The following REEP1 variants were observed in gnomAD, a reference collection of about 807,000 sequenced individuals.
The protein encoded by REEP1 is receptor expression-enhancing protein 1.
A neutral mutation model predicts 40.3 loss-of-function variants in REEP1; 22 were observed. That is an observed-to-expected ratio of 0.55 (90% CI 0.39 to 0.78). The LOEUF is 0.78. REEP1 is among the 30% of genes least tolerant of loss of function. REEP1 has a pLI of 0.00. For missense variants in REEP1, 280 were observed against 361.1 expected (o/e 0.78, Z 1.82); for synonymous variants, 116 against 139.2 (o/e 0.83, Z 1.17).
In REEP1 at chr2:86,220,029, C is replaced by A. The variant is rs1674333540; in HGVS notation, c.724G>T (p.Asp242Tyr). ...PLAFSDDEEE[D>Y]LLDFMYKYKA... Reference sequence around the variant, plus strand: ...TACTTGTACATGAAATCCAGCAGGTCTTCCTCCTCGTCGTCAGAAAACGCC... The same window carrying A: ...TACTTGTACATGAAATCCAGCAGGTATTCCTCCTCGTCGTCAGAAAACGCC... Residue 242 changes from aspartate to tyrosine, a missense_variant, in exon 8 of 9, where the codon GAC becomes TAC. Physicochemically the swap from Asp to Tyr is radical, Grantham distance 160 (BLOSUM62 -3). This residue lies in a region of REEP1 where 201 missense variants were observed against 238.5 expected (regional missense o/e 0.84). Transcript: ENST00000538924. 8.1e-7 allele frequency: 1 copy of A among 1,232,110 alleles called. No individual in the cohort carries two copies. The highest frequency in any genetic ancestry group is 4.1e-5 in the South Asian group (1 of 24,322). 76.3% of individuals were successfully genotyped at this position (1,232,110 alleles called of 1,614,324 possible).
chr2:86,214,661 A>G lies in REEP1; in HGVS notation c.*2378T>C, dbSNP rs913414809. 6.6e-6 allele frequency: 1 copy of G among 152,668 alleles called. No individual in the cohort carries two copies. Among genetic ancestry groups the G allele is most frequent in the Non-Finnish European group, 1.5e-5 (1 of 68,052 alleles). 9.5% of individuals were successfully genotyped at this position (152,668 alleles called of 1,614,324 possible). On this transcript the variant is annotated 3_prime_UTR_variant, in exon 9 of 9. Transcript: ENST00000538924. ...CAAATGTACAACTTGTCAGATACGTAAACACATTTTGCCAGAAATATGACA... is the reference window on the plus strand; with the variant it reads ...CAAATGTACAACTTGTCAGATACGTGAACACATTTTGCCAGAAATATGACA...
upstream of REEP1, chr2:86,337,720 G>A: frequency 1.1e-6 from 1 of 938,322 alleles, no homozygotes; most frequent in Non-Finnish European, 1.3e-6. This position sits in a 1 kb window ranked among gnomAD's most constrained non-coding sequence, Gnocchi z 5.8. Context: ...CCCGGGGCTC[G>A]GCGGGCCCGC....
At chr2:86,337,657 C>T, upstream of REEP1, 1 of 1,030,374 alleles carries the variant, frequency 9.7e-7, no homozygotes, top group Non-Finnish European at 1.2e-6. This position sits in a 1 kb window ranked among gnomAD's most constrained non-coding sequence, Gnocchi z 5.8. Flanking sequence ...CCGGCGTTCG[C>T]GCGTTGGCGC....
rs1185055763 is a variant in REEP1, at chr2:86,216,746, A to C, written c.*293T>G. 8.3e-6 allele frequency: 3 copies of C among 362,982 alleles called. No individual in the cohort carries two copies. The highest frequency in any genetic ancestry group is 1.5e-5 in the Non-Finnish European group (3 of 195,320). 22.5% of individuals were successfully genotyped at this position (362,982 alleles called of 1,614,324 possible). The stretch of plus-strand genomic sequence containing the variant: ...GGTGATTCTCTTATCTTTCTAAAAA[A>C]CACACTGCTGTCTATAATGACAATC... On this transcript the variant is annotated 3_prime_UTR_variant, in exon 9 of 9. Transcript: ENST00000538924.
At chr2:86,274,606 T>C (rs1365717391) in intron 2 of REEP1, among the ~76,000 whole-genome samples, 1 of 152,220 alleles carries the variant, frequency 6.6e-6, no homozygotes, top group East Asian at 1.9e-4. Flanking sequence ...TCCCCAAGGT[T>C]TGAAATATAA....
chr2:86,327,472 C>T (rs1016612779), intron 1 of REEP1, among the ~76,000 whole-genome samples: 7 of 151,936 alleles, frequency 4.6e-5, no homozygotes, highest in Admixed American at 4.6e-4. Flanking sequence ...GGAGCCAGAC[C>T]TTGGTGAGTG....
intron 7 of REEP1, among the ~76,000 whole-genome samples, chr2:86,222,064 G>A (rs910332497): frequency 7.9e-5 from 12 of 152,136 alleles, no homozygotes; most frequent in Non-Finnish European, 2.9e-5. Context: ...GGTGTCAGAA[G>A]GTGGCCCAAA....
At chr2:86,217,706 A>G (rs1674201901) in intron 8 of REEP1, among the ~76,000 whole-genome samples, 1 of 128,940 alleles carries the variant, frequency 7.8e-6, no homozygotes, top group African/African-American at 3.0e-5. Context: ...ATGTTTGCAT[A>G]TACATTCCAA....
intron 2 of REEP1, among the ~76,000 whole-genome samples, chr2:86,271,053 A>G (rs926198047): frequency 6.6e-6 from 1 of 151,918 alleles, no homozygotes; most frequent in African/African-American, 2.4e-5. Context: ...TTAGCTGGGC[A>G]TGGTGGTGAG....
intron 2 of REEP1, among the ~76,000 whole-genome samples, chr2:86,273,404 G>A (rs1489114024): frequency 3.3e-5 from 5 of 151,530 alleles, no homozygotes; most frequent in African/African-American, 7.3e-5. Context: ...CCCACTCAGC[G>A]TCTTGAGTAG....
At chr2:86,292,829 G>A (rs1394530162) in intron 1 of REEP1, among the ~76,000 whole-genome samples, 1 of 152,156 alleles carries the variant, frequency 6.6e-6, no homozygotes, top group Non-Finnish European at 1.5e-5. Flanking sequence ...CTCAGCTGGT[G>A]CCCTCCTCGC....
At chr2:86,310,171 A>G (rs1679693321) in intron 1 of REEP1, among the ~76,000 whole-genome samples, 1 of 152,218 alleles carries the variant, frequency 6.6e-6, no homozygotes, top group Non-Finnish European at 1.5e-5. Flanking sequence ...GGTCCATCAC[A>G]GAACTGGGCA....
intron 6 of REEP1, among the ~76,000 whole-genome samples, chr2:86,230,853 G>A (rs1674972500): frequency 6.6e-6 from 1 of 152,200 alleles, no homozygotes; most frequent in Non-Finnish European, 1.5e-5. Flanking sequence ...CACCCCACTG[G>A]TTCTTGCTCT....
At chr2:86,256,884 T>A (rs1471642703) in intron 3 of REEP1, among the ~76,000 whole-genome samples, 1 of 152,132 alleles carries the variant, frequency 6.6e-6, no homozygotes, top group Admixed American at 6.5e-5. Context: ...CCTCCCCAGA[T>A]AAACGATCAG....
chr2:86,337,594 C>T lies in REEP1; in HGVS notation c.-84G>A. ...GCGGGCTGCTGCGGCGTTCCCGGAA[C>T]GTCAGTCAGCTCACGGCAGCCGCCG... On this transcript the variant is annotated 5_prime_UTR_variant, in exon 1 of 9. Coordinates refer to ENST00000538924, the MANE Select transcript of REEP1 (RefSeq NM_001371279.1). The surrounding 1 kb of genome is among the most constrained non-coding windows in gnomAD (Gnocchi z 5.8). 4.3e-6 allele frequency: 5 copies of T among 1,161,622 alleles called. No homozygotes were observed. Among genetic ancestry groups the T allele is most frequent in the Non-Finnish European group, 4.2e-6 (4 of 944,304 alleles). 72.0% of individuals were successfully genotyped at this position (1,161,622 alleles called of 1,614,324 possible).
At position 86,214,984 on chromosome 2, in the gene REEP1, T is replaced by G. The variant is rs2103929751; in HGVS notation, c.*2055A>C. 1 of 138,610 alleles carries G rather than the reference T, an allele frequency of 7.2e-6. No homozygotes were observed. Among genetic ancestry groups the G allele is most frequent in the African/African-American group, 2.5e-5 (1 of 40,272 alleles). The allele number at this position is 138,610 out of a possible 1,614,324, so 8.6% of individuals were successfully genotyped here. On this transcript the variant is annotated 3_prime_UTR_variant, in exon 9 of 9. Coordinates refer to ENST00000538924, the MANE Select transcript of REEP1 (RefSeq NM_001371279.1). ...ACTGCTGCTAAAGGCAATTTATTGT[T>G]TCGGCAAAAAAAAAAAAATTGCTAA...
At chr2:86,223,093 C>T (rs537928119) in intron 7 of REEP1, among the ~76,000 whole-genome samples, 23 of 152,352 alleles carry the variant, frequency 1.5e-4, no homozygotes, top group Admixed American at 3.9e-4. Flanking sequence ...ATGGTGGCCA[C>T]GGCCTTGAGC....
intron 1 of REEP1, among the ~76,000 whole-genome samples, chr2:86,283,727 G>T (rs1678230682): frequency 6.6e-6 from 1 of 152,230 alleles, no homozygotes; most frequent in Non-Finnish European, 1.5e-5. Context: ...GTGCTTTAGA[G>T]CTTTATCCCA....
At chr2:86,290,634 T>G (rs1574088409) in intron 1 of REEP1, among the ~76,000 whole-genome samples, 2 of 152,154 alleles carry the variant, frequency 1.3e-5, no homozygotes, top group Admixed American at 6.5e-5. Flanking sequence ...ATAATCCATC[T>G]CCAAGACCCA....
Sources: allele counts gnomAD v4.1 joint callset (sites outside exome capture counted in the v4.1 genomes callset), GRCh38; gene constraint gnomAD v4.1.1; regional missense constraint gnomAD v4.1.1; non-coding constraint Gnocchi (gnomAD v3.1); transcripts MANE v1.5; gene names NCBI Gene and HGNC (gene_info 2026-07-23, HGNC 2026-07-21).